CPLX2: variants seen among roughly 807,000 people sequenced by gnomAD.
The protein encoded by CPLX2 is complexin-2.
CPLX2 carries 5 observed loss-of-function variants against 16.3 expected under a neutral mutation model. The ratio of observed to expected loss-of-function variants is 0.31; its 90% CI spans 0.16 to 0.64. The LOEUF is 0.64. Ranked by LOEUF, CPLX2 falls within the 30% of genes least tolerant of loss-of-function variation. The pLI is 0.79. For missense variants in CPLX2, 144 were observed against 181.4 expected (o/e 0.79, Z 1.18); for synonymous variants, 89 against 73.2 (o/e 1.22, Z -1.10).
chr5:175,847,350 G>A (rs1247616798), intron 2 of CPLX2, among the ~76,000 whole-genome samples: 1 of 152,162 alleles, frequency 6.6e-6, no homozygotes, highest in East Asian at 1.9e-4. Flanking sequence ...TGAGAAGCAG[G>A]GGCTGGGTCC....
intron 2 of CPLX2, among the ~76,000 whole-genome samples, chr5:175,827,777 A>AAAGT: frequency 6.6e-6 from 1 of 152,152 alleles, no homozygotes; most frequent in Non-Finnish European, 1.5e-5. Context: ...ATAAATAAAT[A>AAAGT]AAGTCCAAGA....
At chr5:175,799,562 A>C (rs941440544) in intron 1 of CPLX2, among the ~76,000 whole-genome samples, 1 of 141,130 alleles carries the variant, frequency 7.1e-6, no homozygotes, top group Non-Finnish European at 1.5e-5. Flanking sequence ...ATATATATAT[A>C]TATATATATA....
chr5:175,871,437 G>A (rs866328897), upstream of CPLX2: 6 of 63,492 alleles, frequency 9.5e-5, no homozygotes, highest in African/African-American at 3.2e-4. Context: ...GAGAGACAGA[G>A]AGAGAGAGAG....
intron 2 of CPLX2, among the ~76,000 whole-genome samples, chr5:175,817,077 G>A (rs1389861453): frequency 1.3e-5 from 2 of 152,218 alleles, no homozygotes; most frequent in Non-Finnish European, 2.9e-5. Flanking sequence ...TGACAGCCTT[G>A]GCCAGACCAT....
intron 2 of CPLX2, among the ~76,000 whole-genome samples, chr5:175,835,866 G>C (rs1758823131): frequency 6.7e-6 from 1 of 149,918 alleles, no homozygotes; most frequent in African/African-American, 2.5e-5. Flanking sequence ...AGCCTCCTGA[G>C]TAACTGGGAC....
intron 2 of CPLX2, among the ~76,000 whole-genome samples, chr5:175,824,287 A>G (rs1758567103): frequency 6.6e-6 from 1 of 152,258 alleles, no homozygotes; most frequent in Non-Finnish European, 1.5e-5. Context: ...AGCTTTGATC[A>G]GCAAGAGGTA....
intron 2 of CPLX2, among the ~76,000 whole-genome samples, chr5:175,866,514 G>A (rs572644886): frequency 1.3e-5 from 2 of 152,306 alleles, no homozygotes; most frequent in African/African-American, 4.8e-5. Context: ...TAACCAAGTG[G>A]GGATATACAG....
intron 1 of CPLX2, among the ~76,000 whole-genome samples, chr5:175,807,384 C>T (rs1209164296): frequency 6.6e-6 from 1 of 152,204 alleles, no homozygotes; most frequent in East Asian, 1.9e-4. Context: ...CTCCTTCTTT[C>T]CTTCCCTTCT....
intron 2 of CPLX2, chr5:175,861,696 C>T (rs931293837): frequency 2.6e-5 from 4 of 152,268 alleles, no homozygotes; most frequent in Admixed American, 2.0e-4. Context: ...ACGCTGGACC[C>T]AGGTGGGGAC....
At chr5:175,818,084 G>T (rs1463564210) in intron 2 of CPLX2, among the ~76,000 whole-genome samples, 17 of 152,224 alleles carry the variant, frequency 1.1e-4, no homozygotes, top group Non-Finnish European at 7.3e-5. Flanking sequence ...GACCTTGGGA[G>T]AGTGGGCAGG....
chr5:175,820,696 C>A (rs1379924743), intron 2 of CPLX2, among the ~76,000 whole-genome samples: 6 of 152,206 alleles, frequency 3.9e-5, no homozygotes, highest in African/African-American at 1.4e-4. Flanking sequence ...GTCTCACCCG[C>A]CCTGTCCTTC....
At chr5:175,801,646 A>G (rs76244417) in intron 1 of CPLX2, among the ~76,000 whole-genome samples, 1,538 of 152,332 alleles carry the variant, frequency 0.01, 20 homozygotes, top group African/African-American at 0.035. Context: ...TGAGAGTCCA[A>G]AGACTTATTT....
chr5:175,828,829 A>AC (rs945641036), intron 2 of CPLX2, among the ~76,000 whole-genome samples: 1 of 152,146 alleles, frequency 6.6e-6, no homozygotes, highest in African/African-American at 2.4e-5. Context: ...GCCTGAGCAA[A>AC]CCAGCCCACC....
chr5:175,810,632 AC>A (rs1283548825), intron 2 of CPLX2, among the ~76,000 whole-genome samples: 1 of 152,144 alleles, frequency 6.6e-6, no homozygotes, highest in East Asian at 1.9e-4. Flanking sequence ...TTGGAAAAGC[AC>A]CCATCTATCT....
At chr5:175,857,464 T>C (rs1759280923) in intron 2 of CPLX2, among the ~76,000 whole-genome samples, 1 of 152,146 alleles carries the variant, frequency 6.6e-6, no homozygotes, top group Non-Finnish European at 1.5e-5. Flanking sequence ...TACTTTAAGG[T>C]GAAAATGCAT....
chr5:175,831,595 A>G (rs1053293747), intron 2 of CPLX2, among the ~76,000 whole-genome samples: 1 of 152,172 alleles, frequency 6.6e-6, no homozygotes, highest in Non-Finnish European at 1.5e-5. Context: ...TCAACAAACC[A>G]TAGTCTGCTA....
rs1030730295 is a variant in CPLX2, at chr5:175,872,661, C to A, written c.-89+956C>A. Reference sequence around the variant, plus strand: ...TCCCATCCTCCGCTGCCCCTCCCCTCCCCCATGCGTCTCCCATCCCGGGCC... The same window carrying A: ...TCCCATCCTCCGCTGCCCCTCCCCTACCCCATGCGTCTCCCATCCCGGGCC... On this transcript the variant is annotated intron_variant, in intron 1 of 3. Transcript: ENST00000393745. This position sits in a 1 kb window ranked among gnomAD's most constrained non-coding sequence, Gnocchi z 5.0. 6.6e-6 allele frequency: 1 copy of A among 152,246 alleles called. No homozygotes were observed. Among genetic ancestry groups the A allele is most frequent in the Non-Finnish European group, 1.5e-5 (1 of 68,086 alleles). 9.4% of individuals were successfully genotyped at this position (152,246 alleles called of 1,614,324 possible). A position where few individuals can be genotyped will look rare whatever the true frequency, so the allele number is the denominator to read the frequency against.
intron 1 of CPLX2, among the ~76,000 whole-genome samples, chr5:175,799,704 TA>T (rs1239152834): frequency 2.6e-5 from 4 of 151,570 alleles, no homozygotes; most frequent in South Asian, 4.2e-4. Context: ...TTTTTATTTT[TA>T]TTTTTTTTGT....
chr5:175,846,221 C>G (rs11748789), intron 2 of CPLX2, among the ~76,000 whole-genome samples: 7,861 of 152,254 alleles, frequency 0.052, 290 homozygotes, highest in African/African-American at 0.097. Flanking sequence ...TGGTCTGTGA[C>G]TCCACAGGAC....
Sources: gnomAD v4.1 joint callset for allele counts (sites outside exome capture counted in the v4.1 genomes callset) on GRCh38, gnomAD v4.1.1 for gene constraint, Gnocchi (gnomAD v3.1) non-coding constraint, MANE v1.5 for transcripts, NCBI Gene and HGNC (gene_info 2026-07-23, HGNC 2026-07-21) for gene names.